CPNE9: variants seen among roughly 807,000 people sequenced by gnomAD.
CPNE9 encodes copine family member 9.
A neutral mutation model predicts 83.0 loss-of-function variants in CPNE9; 59 were observed. The observed-to-expected ratio is 0.71, with a 90% CI of 0.58 to 0.88. The LOEUF is 0.88. Ranked by LOEUF, CPNE9 falls within the 40% of genes least tolerant of loss-of-function variation. The probability of loss-of-function intolerance (pLI) is 0.00; values close to 1 mark genes in which losing one functional copy is unlikely to be tolerated. For missense variants in CPNE9, 619 were observed against 720.8 expected, an observed-to-expected ratio of 0.86 and a Z score of 1.62; for synonymous variants, 256 against 273.4, an observed-to-expected ratio of 0.94 and a Z score of 0.63.
chr3:9,715,562 C>G (rs1329928651), intron 13 of CPNE9, 36 bp downstream of exon 13: 7 of 1,560,618 alleles, frequency 4.5e-6, no homozygotes, highest in Non-Finnish European at 6.2e-6. Context: ...CTCCCTGGAT[C>G]CTTCCGTGTC....
At chr3:9,708,734 G>A (rs948717922) in intron 7 of CPNE9, among the ~76,000 whole-genome samples, 19 of 151,702 alleles carry the variant, frequency 1.3e-4, no homozygotes, top group African/African-American at 2.4e-4. Flanking sequence ...CCGGGTTCAC[G>A]CCATTCTCCT....
intron 7 of CPNE9, among the ~76,000 whole-genome samples, chr3:9,711,062 G>T (rs2076622374): frequency 6.6e-6 from 1 of 152,110 alleles, no homozygotes; most frequent in South Asian, 2.1e-4. Flanking sequence ...AAAGAGACAG[G>T]ATGCAAGGGA....
chr3:9,713,057 C>G lies in CPNE9; in HGVS notation c.628C>G (p.Leu210Val). 1 of 1,614,074 alleles carries G rather than the reference C, an allele frequency of 6.2e-7. No individual in the cohort carries two copies. Among genetic ancestry groups the G allele is most frequent in the Non-Finnish European group, 8.5e-7 (1 of 1,179,950 alleles). The stretch of plus-strand genomic sequence containing the variant: ...GCCCTTCAGCATCCCTGTGCGGGCT[C>G]TGTGCAATGGAGACTATGACAGGTT... The part of the protein sequence containing the change: ...WQPFSIPVRA[L>V]CNGDYDRTVK... Residue 210 changes from leucine (L) to valine (V), a missense_variant, in exon 10 of 21, where the codon CTG becomes GTG. This residue lies in a region of CPNE9 where 438 missense variants were observed against 562.9 expected (regional missense o/e 0.78). Coordinates refer to ENST00000383832, the MANE Select transcript of CPNE9 (RefSeq NM_153635.3).
At position 9,704,836 on chromosome 3, in the gene CPNE9, G is replaced by GT. The variant is rs1192130124; in HGVS notation, c.156+41_156+42insT. 1.2e-6 allele frequency: 2 copies of GT among 1,602,662 alleles called. No homozygotes were observed. The highest frequency in any genetic ancestry group is 3.4e-5 in the Admixed American group (2 of 58,754). ...CCCTCCCGGCCCAGGGCGTCGCCCG[G>GT]GAATTCCCCTGCCCGTCTGCACGTC... On this transcript the variant is annotated intron_variant, in intron 3 of 20. Transcript: ENST00000383832. The surrounding 1 kb of genome is among the most constrained non-coding windows in gnomAD (Gnocchi z 7.1).
Position 9,717,081 on chromosome 3 carries a change from C to T in CPNE9, c.908C>T (p.Ala303Val), listed in dbSNP as rs1383703910. 3 of 1,614,130 alleles carry T rather than the reference C, an allele frequency of 1.9e-6. No homozygotes were observed. The highest frequency in any genetic ancestry group is 2.5e-6 in the Non-Finnish European group (3 of 1,180,022). The change falls in exon 15 of 21, where the codon GCC (alanine) becomes GTC (valine). Residue 303 changes from alanine to valine, a missense_variant. Physicochemically the swap from Ala to Val is moderately conservative, Grantham distance 64. This residue lies in a region of CPNE9 where 438 missense variants were observed against 562.9 expected (regional missense o/e 0.78). Coordinates refer to ENST00000383832, the MANE Select transcript of CPNE9 (RefSeq NM_153635.3). ...AGGACACAGCTGAACTTCACAGTAG[C>T]CATTGACTTCACGGCTTCCAATGGT... ...KGGTQLNFTV[A>V]IDFTASNGNP...
chr3:9,708,973 G>A (rs1404821149), intron 7 of CPNE9, among the ~76,000 whole-genome samples: 2 of 150,298 alleles, frequency 1.3e-5, no homozygotes, highest in African/African-American at 4.9e-5. Flanking sequence ...CAGCAAAGGG[G>A]AGAAAAGAAA....
At chr3:9,725,731 TTTC>T (rs2076778780) in intron 17 of CPNE9, among the ~76,000 whole-genome samples, 1 of 142,890 alleles carries the variant, frequency 7.0e-6, no homozygotes, top group South Asian at 2.1e-4. Context: ...TATGTATATA[TTTC>T]ATATATATGT....
rs1332250901 is a variant in CPNE9 at position 9,705,484 on chromosome 3, C to T, written c.281C>T (p.Thr94Ile). ...RFDVYNVDSK[T>I]NISKPKDFLG... ...CCCAGGTACAACGTGGACTCCAAAA[C>T]CAACATCTCCAAACCGGTGAGCAAA... Residue 94 changes from threonine (T) to isoleucine (I), a missense_variant, in exon 5 of 21, where the codon ACC (threonine) becomes ATC (isoleucine). Coordinates refer to ENST00000383832, the MANE Select transcript of CPNE9 (RefSeq NM_153635.3). The T allele has an allele frequency of 7.6e-7, 1 of 1,314,762 alleles. No homozygotes were observed. The highest frequency in any genetic ancestry group is 2.3e-5 in the Admixed American group (1 of 43,116). 81.4% of individuals were successfully genotyped at this position (1,314,762 alleles called of 1,614,324 possible).
At position 9,704,078 on chromosome 3, in the gene CPNE9, G is replaced by C; in HGVS notation, c.68+14G>C. 6.3e-7 allele frequency: 1 copy of C among 1,599,642 alleles called. No individual in the cohort carries two copies. The highest frequency in any genetic ancestry group is 1.3e-5 in the African/African-American group (1 of 74,612). On this transcript the variant is annotated intron_variant, in intron 1 of 20. Transcript: ENST00000383832. This position sits in a 1 kb window ranked among gnomAD's most constrained non-coding sequence, Gnocchi z 7.1. ...CGTGTCCTGCCGGTGAGCGGGCCGCGCTGGGGAGGGCTTAGGCACTGGCAC... is the reference window on the plus strand; with the variant it reads ...CGTGTCCTGCCGGTGAGCGGGCCGCCCTGGGGAGGGCTTAGGCACTGGCAC...
chr3:9,722,160 A>ACC (rs60666913), intron 17 of CPNE9, among the ~76,000 whole-genome samples: 17,881 of 130,578 alleles, frequency 0.14, 1,420 homozygotes, highest in African/African-American at 0.21. Context: ...CAGGTGATCC[A>ACC]CCCCCCCCCG....
chr3:9,729,307 G>A (rs1432170464), intron 20 of CPNE9, among the ~76,000 whole-genome samples, 200 bp from the exon 21 acceptor site: 1 of 152,224 alleles, frequency 6.6e-6, no homozygotes, highest in Non-Finnish European at 1.5e-5. Flanking sequence ...CCAAACTGGA[G>A]TGGGTTGAGG....
At chr3:9,718,933 T>C (rs1361809164) in intron 17 of CPNE9, among the ~76,000 whole-genome samples, 4 of 150,800 alleles carry the variant, frequency 2.7e-5, no homozygotes, top group Admixed American at 1.3e-4. Context: ...GCCTCCCAGA[T>C]TCAAGCAATT....
chr3:9,718,018 T>A lies in CPNE9; in HGVS notation c.932-11T>A. 6.3e-7 allele frequency: 1 copy of A among 1,589,358 alleles called. No individual in the cohort carries two copies. The highest frequency in any genetic ancestry group is 8.6e-7 in the Non-Finnish European group (1 of 1,166,766). ...GATGATCATGAGGCTGGGGTTCCTG[T>A]GTCCCTACAGGGAATCCTCTGCAGC... On this transcript the variant is annotated splice_polypyrimidine_tract_variant and intron_variant, in intron 15 of 20. Transcript: ENST00000383832.
chr3:9,722,721 G>T (rs1245544562), intron 17 of CPNE9, among the ~76,000 whole-genome samples: 1 of 151,980 alleles, frequency 6.6e-6, no homozygotes, highest in Non-Finnish European at 1.5e-5. Flanking sequence ...TCGCTATGTT[G>T]CCCAGCTTGT....
chr3:9,711,027 T>A (rs1037202800), intron 7 of CPNE9, among the ~76,000 whole-genome samples: 7 of 151,786 alleles, frequency 4.6e-5, no homozygotes, highest in African/African-American at 1.7e-4. Flanking sequence ...ACCCCAACTC[T>A]TAAAAAAAAG....
chr3:9,720,702 T>G (rs1165349240), intron 17 of CPNE9, among the ~76,000 whole-genome samples: 1 of 152,230 alleles, frequency 6.6e-6, no homozygotes, highest in African/African-American at 2.4e-5. Context: ...TCACTAATAC[T>G]GGAACCTGAG....
chr3:9,708,876 C>T (rs1257846939), intron 7 of CPNE9, among the ~76,000 whole-genome samples: 6 of 151,650 alleles, frequency 4.0e-5, no homozygotes, highest in Non-Finnish European at 7.4e-5. Flanking sequence ...CCTCATGATC[C>T]GCCCGCCTCG....
chr3:9,725,973 C>G lies in CPNE9; in HGVS notation c.1266C>G (p.Gly422=). The change falls in exon 18 of 21, where the codon GGC becomes GGG. Residue 422 remains glycine, a synonymous_variant. Transcript: ENST00000383832. Reference sequence around the variant, plus strand: ...GGGCTGCAGCCAAGATCTCTGATGGCTCCCAGTACTATGTTCTGCTCATCA... The same window carrying G: ...GGGCTGCAGCCAAGATCTCTGATGGGTCCCAGTACTATGTTCTGCTCATCA... ...VARAAAKISD[G]SQYYVLLIIT... 6.2e-7 allele frequency: 1 copy of G among 1,613,486 alleles called. No individual in the cohort carries two copies. The highest frequency in any genetic ancestry group is 1.1e-5 in the South Asian group (1 of 91,066).
chr3:9,726,857 C>A, intron 19 of CPNE9, 135 bp downstream of exon 19: 1 of 826,206 alleles, frequency 1.2e-6, no homozygotes, highest in Non-Finnish European at 2.0e-6. Flanking sequence ...AGTCACAGAC[C>A]TTCTCTGAAC....
Sources: allele counts gnomAD v4.1 joint callset (sites outside exome capture counted in the v4.1 genomes callset), GRCh38; gene constraint gnomAD v4.1.1; regional missense constraint gnomAD v4.1.1; non-coding constraint Gnocchi (gnomAD v3.1); transcripts MANE v1.5; gene names NCBI Gene and HGNC (gene_info 2026-07-23, HGNC 2026-07-21).